Variants in SMYD3 observed in about 807,000 individuals in gnomAD.
The protein encoded by SMYD3 is SET and MYND domain containing 3.
A neutral mutation model predicts 57.7 loss-of-function variants in SMYD3; 36 were observed. That is an observed-to-expected ratio of 0.62 (90% CI 0.48 to 0.82). The LOEUF is 0.82. Among genes scored for constraint, SMYD3 ranks in the 40% least tolerant of loss-of-function variants. The probability of loss-of-function intolerance (pLI) is 0.00; values close to 1 mark genes in which losing one functional copy is unlikely to be tolerated. For synonymous variants in SMYD3, 211 were observed against 195.0 expected, an observed-to-expected ratio of 1.08 and a Z score of -0.68; for missense variants, 515 against 538.8, an observed-to-expected ratio of 0.96 and a Z score of 0.44.
At chr1:245,991,177 C>T (rs1295810236) in intron 5 of SMYD3, among the ~76,000 whole-genome samples, 1 of 152,168 alleles carries the variant, frequency 6.6e-6, no homozygotes, top group Non-Finnish European at 1.5e-5. Context: ...TTCATTAATT[C>T]AACACATAAT....
intron 1 of SMYD3, among the ~76,000 whole-genome samples, chr1:246,418,832 G>A (rs924140960): frequency 6.6e-6 from 1 of 152,082 alleles, no homozygotes; most frequent in African/African-American, 2.4e-5. Flanking sequence ...CCTTTGTCAG[G>A]CCTCTGAGCC....
At chr1:246,500,829 T>C (rs10924752) in intron 1 of SMYD3, among the ~76,000 whole-genome samples, 88,973 of 152,142 alleles carry the variant, frequency 0.58, 27,428 homozygotes, top group East Asian at 0.89. Flanking sequence ...GGCATTCACA[T>C]GGACCAAATG....
intron 5 of SMYD3, among the ~76,000 whole-genome samples, chr1:246,013,031 C>T (rs754179129): frequency 1.3e-5 from 2 of 151,654 alleles, no homozygotes; most frequent in African/African-American, 4.9e-5. Flanking sequence ...AAGGAAAACA[C>T]AGAAGTCAGG....
intron 10 of SMYD3, among the ~76,000 whole-genome samples, chr1:245,767,022 A>G (rs2046143239): frequency 6.6e-6 from 1 of 152,128 alleles, no homozygotes; most frequent in Admixed American, 6.5e-5. Context: ...GAGAATAAAA[A>G]TCATGATTCC....
At chr1:246,004,683 G>A (rs920755629) in intron 5 of SMYD3, among the ~76,000 whole-genome samples, 1 of 152,170 alleles carries the variant, frequency 6.6e-6, no homozygotes, top group Non-Finnish European at 1.5e-5. Flanking sequence ...ATCCTTGGGA[G>A]CCCAGGGAAT....
intron 10 of SMYD3, among the ~76,000 whole-genome samples, chr1:245,772,865 G>A (rs2046391181): frequency 6.6e-6 from 1 of 152,058 alleles, no homozygotes; most frequent in Admixed American, 6.6e-5. Flanking sequence ...GAATGAAGGA[G>A]ATACAAGATT....
intron 5 of SMYD3, among the ~76,000 whole-genome samples, chr1:246,098,185 A>G (rs1191740970): frequency 2.0e-5 from 3 of 152,246 alleles, no homozygotes; most frequent in Non-Finnish European, 4.4e-5. Flanking sequence ...CAATGCACAC[A>G]TGCAAATCAA....
chr1:245,886,035 C>A (rs558058539), intron 8 of SMYD3, among the ~76,000 whole-genome samples: 1 of 152,012 alleles, frequency 6.6e-6, no homozygotes, highest in South Asian at 2.1e-4. Context: ...TTTATGTGTT[C>A]CATTTTAAAA....
intron 5 of SMYD3, among the ~76,000 whole-genome samples, chr1:245,941,081 T>C (rs1360478829): frequency 6.6e-6 from 1 of 152,060 alleles, no homozygotes; most frequent in Non-Finnish European, 1.5e-5. Flanking sequence ...TTGAAGACTG[T>C]CTTGCTGAAA....
At chr1:246,405,922 AAAAGAAAG>A (rs1346988201) in intron 1 of SMYD3, among the ~76,000 whole-genome samples, 1 of 148,918 alleles carries the variant, frequency 6.7e-6, no homozygotes. Flanking sequence ...AAAAAAAAAA[AAAAGAAAG>A]AAAGAAAGAA....
intron 5 of SMYD3, among the ~76,000 whole-genome samples, chr1:246,221,863 CCAAGCAAAACTCAGG>C (rs1477855146): frequency 1.3e-5 from 2 of 152,154 alleles, no homozygotes; most frequent in East Asian, 3.9e-4. Flanking sequence ...CCCAGCAGGT[CCAAGCAAAACTCAGG>C]CAAGGGCACC....
At chr1:246,427,204 C>T (rs910859834) in intron 1 of SMYD3, among the ~76,000 whole-genome samples, 3 of 152,208 alleles carry the variant, frequency 2.0e-5, no homozygotes, top group Non-Finnish European at 2.9e-5. Flanking sequence ...AGAACTATCA[C>T]CAAACTTAAA....
intron 1 of SMYD3, among the ~76,000 whole-genome samples, chr1:246,503,656 CAGA>C (rs2068491218): frequency 6.6e-6 from 1 of 152,136 alleles, no homozygotes; most frequent in African/African-American, 2.4e-5. Flanking sequence ...CATGCAACGG[CAGA>C]AGGACAATAT....
chr1:246,417,474 T>C (rs1310225900), intron 1 of SMYD3: 2 of 152,178 alleles, frequency 1.3e-5, no homozygotes. Context: ...CCAGGGAATG[T>C]ATGCTACTGA....
In SMYD3 at chr1:246,351,298, CTAG is replaced by C. The variant is rs578149424; in HGVS notation, c.228+3730_228+3732del. 2.9e-3 allele frequency among the ~76,000 whole-genome samples: 441 copies of C among 152,296 alleles called. 4 individuals carry two copies. Among genetic ancestry groups the C allele is most frequent in the African/African-American group, 0.01 (416 of 41,556 alleles). ...TTTGCTCAGCAATTAATTCATTCAA[CTAG>C]AAATGTATATATTATCAATCATATT... On this transcript the variant is annotated intron_variant, in intron 2 of 11. Transcript: ENST00000490107.
intron 1 of SMYD3, among the ~76,000 whole-genome samples, chr1:246,395,644 A>T (rs61839773): frequency 0.016 from 1,220 of 78,536 alleles, 5 homozygotes; most frequent in African/African-American, 0.031. Flanking sequence ...AACACACCAC[A>T]GTCAGACAGG....
intron 7 of SMYD3, among the ~76,000 whole-genome samples, chr1:245,926,992 G>C (rs976812233): frequency 6.6e-6 from 1 of 152,216 alleles, no homozygotes; most frequent in Non-Finnish European, 1.5e-5. Context: ...CTGAAAATCA[G>C]TTTGGGGAGA....
chr1:246,229,941 A>T (rs77984598), intron 5 of SMYD3, among the ~76,000 whole-genome samples: 9,001 of 152,282 alleles, frequency 0.059, 431 homozygotes, highest in African/African-American at 0.12. Context: ...AACCTAAAAC[A>T]GACTTATATC....
chr1:246,057,308 T>A (rs1356363463), intron 5 of SMYD3, among the ~76,000 whole-genome samples: 1 of 152,128 alleles, frequency 6.6e-6, no homozygotes, highest in Non-Finnish European at 1.5e-5. Flanking sequence ...TAGGTACAGG[T>A]AGAGTTACAT....
Sources: allele counts gnomAD v4.1 joint callset (sites outside exome capture counted in the v4.1 genomes callset), GRCh38; gene constraint gnomAD v4.1.1; transcripts MANE v1.5; gene names NCBI Gene and HGNC (gene_info 2026-07-23, HGNC 2026-07-21).